PIGN: variants seen among roughly 807,000 people sequenced by gnomAD.
PIGN encodes the protein GPI ethanolamine phosphate transferase 1.
In PIGN, 117 loss-of-function variants were observed where a neutral mutation model predicts 125.4. That is an observed-to-expected ratio of 0.93 (90% CI 0.80 to 1.09). The LOEUF is 1.09. Ranked by LOEUF, PIGN falls within the 50% of genes least tolerant of loss-of-function variation. The pLI is 0.00. For synonymous variants in PIGN, 392 were observed against 377.8 expected, an observed-to-expected ratio of 1.04 and a Z score of -0.44; for missense variants, 1,075 against 1,094.9, an observed-to-expected ratio of 0.98 and a Z score of 0.26.
intron 23 of PIGN, among the ~76,000 whole-genome samples, chr18:62,092,770 C>G (rs2146140423): frequency 6.6e-6 from 1 of 152,206 alleles, no homozygotes; most frequent in Admixed American, 6.5e-5. Context: ...TGTGATGACA[C>G]TATTTTTCCA....
At chr18:62,129,920 A>G (rs9807136) in intron 14 of PIGN, among the ~76,000 whole-genome samples, 36,123 of 152,074 alleles carry the variant, frequency 0.24, 4,541 homozygotes, top group Middle Eastern at 0.37. Context: ...TCATCAAGCT[A>G]AAGCACATTA....
chr18:62,146,951 T>C lies in PIGN; in HGVS notation c.805+20A>G, dbSNP rs1195207188. ...CACTACTTTAATTGTAAGGTACATA[T>C]CAATTAAAGACACACTAACCCCAGT... On this transcript the variant is annotated intron_variant, in intron 9 of 30. Transcript: ENST00000640252. The C allele has an allele frequency of 1.2e-6, 2 of 1,604,986 alleles. No individual in the cohort carries two copies. Among genetic ancestry groups the C allele is most frequent in the Non-Finnish European group, 8.5e-7 (1 of 1,172,820 alleles).
At chr18:62,131,882 A>G (rs1475245260) in intron 14 of PIGN, among the ~76,000 whole-genome samples, 1 of 152,186 alleles carries the variant, frequency 6.6e-6, no homozygotes, top group Non-Finnish European at 1.5e-5. Flanking sequence ...TTAAACTAAA[A>G]TCTAATAATG....
In PIGN at chr18:62,139,124, C is replaced by T. The variant is rs770557202; in HGVS notation, c.1024-49G>A. 5 of 1,145,060 alleles carry T rather than the reference C, an allele frequency of 4.4e-6. No individual in the cohort carries two copies. In the South Asian group the frequency reaches 6.6e-5, roughly 15 times the overall value. 70.9% of individuals were successfully genotyped at this position (1,145,060 alleles called of 1,614,324 possible). On this transcript the variant is annotated intron_variant, in intron 12 of 30. Coordinates refer to ENST00000640252, the MANE Select transcript of PIGN (RefSeq NM_176787.5). Reference sequence around the variant, plus strand: ...ATTGATAGTATTCAGACAGCTCAGGCTATCCTTATAAAACAAAACAGACTT... The same window carrying T: ...ATTGATAGTATTCAGACAGCTCAGGTTATCCTTATAAAACAAAACAGACTT...
In PIGN at chr18:62,072,674, T is replaced by C. The variant is rs1275624636; in HGVS notation, c.2671A>G (p.Ser891Gly). The change falls in exon 30 of 31, where the codon AGC (serine) becomes GGC (glycine). Residue 891 changes from serine to glycine, a missense_variant and splice_region_variant. Ser to Gly is a moderately conservative substitution (Grantham distance 56). Coordinates refer to ENST00000640252, the MANE Select transcript of PIGN (RefSeq NM_176787.5). ...DYGSWLDIGT[S>G]ISHYVIVMSM... ...AATGCATGACCATATATACTATACC[T>C]TGTCCCAATATCAAGCCAGCTGCCA... is the stretch of plus-strand genomic sequence containing the variant. The C allele has an allele frequency of 1.2e-6, 2 of 1,605,412 alleles. No individual in the cohort carries two copies. Among genetic ancestry groups the C allele is most frequent in the Non-Finnish European group, 1.7e-6 (2 of 1,175,222 alleles).
intron 1 of PIGN, among the ~76,000 whole-genome samples, chr18:62,176,813 A>G (rs1440946015): frequency 1.3e-5 from 2 of 152,188 alleles, no homozygotes; most frequent in South Asian, 4.1e-4. Context: ...TGTAGTTAAT[A>G]GTATTATACA....
chr18:62,081,229 AAAT>A (rs2033434384), intron 28 of PIGN, among the ~76,000 whole-genome samples: 1 of 152,154 alleles, frequency 6.6e-6, no homozygotes, highest in Non-Finnish European at 1.5e-5. Context: ...TTAGCAATAT[AAAT>A]AATAAGACTG....
chr18:62,054,971 A>T (rs1412568040), intron 30 of PIGN, among the ~76,000 whole-genome samples: 2 of 152,226 alleles, frequency 1.3e-5, no homozygotes. Flanking sequence ...ATTAACTATT[A>T]TGCAAGTTGA....
chr18:62,130,420 T>C (rs2035689126), intron 14 of PIGN, among the ~76,000 whole-genome samples: 2 of 152,152 alleles, frequency 1.3e-5, no homozygotes, highest in African/African-American at 4.8e-5. Flanking sequence ...AAAAGCAACA[T>C]GTTTGAAATA....
At chr18:62,127,688 T>G (rs79526364) in intron 14 of PIGN, among the ~76,000 whole-genome samples, 2 of 346 alleles carry the variant, frequency 5.8e-3, no homozygotes, top group Non-Finnish European at 0.016. Flanking sequence ...TTTTGTGTGT[T>G]TTTTTTTTGT....
At chr18:62,073,776 T>A (rs1056767069) in intron 29 of PIGN, among the ~76,000 whole-genome samples, 1 of 152,172 alleles carries the variant, frequency 6.6e-6, no homozygotes, top group Non-Finnish European at 1.5e-5. Context: ...TGGGATGTTA[T>A]ATGGTGACAA....
chr18:62,076,198 G>A (rs573060462), intron 28 of PIGN, among the ~76,000 whole-genome samples: 43 of 152,320 alleles, frequency 2.8e-4, no homozygotes, highest in Non-Finnish European at 4.9e-4. Flanking sequence ...CTCCCAAAGT[G>A]CTGGGATTAC....
intron 28 of PIGN, among the ~76,000 whole-genome samples, chr18:62,078,586 G>A (rs1425671858): frequency 2.0e-5 from 3 of 152,132 alleles, no homozygotes; most frequent in Non-Finnish European, 4.4e-5. Flanking sequence ...AAATGCGAAG[G>A]CATAAATGTA....
intron 19 of PIGN, among the ~76,000 whole-genome samples, chr18:62,106,527 A>C (rs1397517318): frequency 6.6e-6 from 1 of 152,180 alleles, no homozygotes; most frequent in Admixed American, 6.5e-5. Context: ...AAACAAATCC[A>C]GGAAATGCTT....
intron 30 of PIGN, among the ~76,000 whole-genome samples, chr18:62,061,417 CA>C (rs1289523230): frequency 3.6e-4 from 42 of 116,498 alleles, no homozygotes; most frequent in African/African-American, 3.3e-4. Context: ...GGAATAAATG[CA>C]AAAAAAAAAA....
chr18:62,081,409 A>G (rs1024242088), intron 28 of PIGN, among the ~76,000 whole-genome samples: 2 of 152,130 alleles, frequency 1.3e-5, no homozygotes, highest in African/African-American at 4.8e-5. Flanking sequence ...AATGTGTGAC[A>G]TTAAATTTGA....
chr18:62,140,421 ACT>A lies in PIGN; in HGVS notation c.1020_1021del (p.Val341GlyfsTer9). Reference sequence around the variant, plus strand: ...TGATAATAAAATTTTATTCCTTACCACTGAGTTAAGAGGAAAGGGAACTCCAA... The same window carrying A: ...TGATAATAAAATTTTATTCCTTACCAGAGTTAAGAGGAAAGGGAACTCCAA... On this transcript the variant is annotated frameshift_variant and splice_region_variant, in exon 12 of 31. Coordinates refer to ENST00000640252, the MANE Select transcript of PIGN (RefSeq NM_176787.5). LOFTEE classifies it high-confidence loss of function. 1 of 1,432,498 alleles carries A rather than the reference ACT, an allele frequency of 7.0e-7. No homozygotes were observed. Among genetic ancestry groups the A allele is most frequent in the South Asian group, 1.3e-5 (1 of 79,076 alleles). The allele number at this position is 1,432,498 out of a possible 1,614,324, so 88.7% of individuals were successfully genotyped here.
At chr18:62,097,467 C>G (rs1055602813) in intron 22 of PIGN, among the ~76,000 whole-genome samples, 2 of 146,480 alleles carry the variant, frequency 1.4e-5, no homozygotes, top group Non-Finnish European at 3.0e-5. Context: ...CACTTTTACA[C>G]TGTTGGTGGG....
intron 30 of PIGN, among the ~76,000 whole-genome samples, chr18:62,048,716 T>C (rs1342763186): frequency 2.0e-5 from 3 of 150,202 alleles, no homozygotes; most frequent in Non-Finnish European, 4.4e-5. Context: ...TTTATTATTA[T>C]TATACTTTAA....
Sources: gnomAD v4.1 joint callset for allele counts (sites outside exome capture counted in the v4.1 genomes callset) on GRCh38, gnomAD v4.1.1 for gene constraint, MANE v1.5 for transcripts, NCBI Gene and HGNC (gene_info 2026-07-23, HGNC 2026-07-21) for gene names.